Variants in CACHD1 observed in about 807,000 individuals in gnomAD.
CACHD1 encodes the protein VWFA and cache domain-containing protein 1.
CACHD1 carries 71 observed loss-of-function variants against 138.7 expected under a neutral mutation model. The ratio of observed to expected loss-of-function variants is 0.51; its 90% CI spans 0.42 to 0.62. CACHD1 has a LOEUF of 0.62. Ranked by LOEUF, CACHD1 falls within the 20% of genes least tolerant of loss-of-function variation. The probability of loss-of-function intolerance (pLI) is 0.00; values close to 1 mark genes in which losing one functional copy is unlikely to be tolerated. For synonymous variants in CACHD1, 578 were observed against 591.5 expected (o/e 0.98, Z 0.33); for missense variants, 1,389 against 1,625.3 (o/e 0.85, Z 2.50).
intron 2 of CACHD1, among the ~76,000 whole-genome samples, chr1:64,580,700 T>A (rs1647005013): frequency 6.6e-6 from 1 of 152,202 alleles, no homozygotes; most frequent in Non-Finnish European, 1.5e-5. Flanking sequence ...TAGTGGCATT[T>A]GAACCAGATA....
chr1:64,584,806 G>T (rs761186117), intron 3 of CACHD1, among the ~76,000 whole-genome samples: 1 of 152,138 alleles, frequency 6.6e-6, no homozygotes, highest in Non-Finnish European at 1.5e-5. Context: ...GAGTAAGAAG[G>T]TGTCTACTCT....
intron 1 of CACHD1, among the ~76,000 whole-genome samples, chr1:64,512,625 C>A (rs1415616412): frequency 6.6e-6 from 1 of 152,118 alleles, no homozygotes; most frequent in Non-Finnish European, 1.5e-5. Context: ...AACATTTCCA[C>A]TCTTCAAGTT....
intron 4 of CACHD1, among the ~76,000 whole-genome samples, chr1:64,607,026 G>A (rs1430620332): frequency 6.6e-6 from 1 of 152,168 alleles, no homozygotes; most frequent in Non-Finnish European, 1.5e-5. Context: ...ATAAGCAGTT[G>A]GATATACAAG....
At chr1:64,477,624 ATT>A (rs869174240) in intron 1 of CACHD1, among the ~76,000 whole-genome samples, 5,000 of 103,924 alleles carry the variant, frequency 0.048, 113 homozygotes, top group African/African-American at 0.11. Context: ...TATTATTATT[ATT>A]TTATTTTATT....
At chr1:64,659,176 T>G (rs1236723183) in intron 13 of CACHD1, among the ~76,000 whole-genome samples, 1 of 152,182 alleles carries the variant, frequency 6.6e-6, no homozygotes, top group Non-Finnish European at 1.5e-5. Flanking sequence ...AGTGAAGTTT[T>G]AAGTTCAGCC....
intron 1 of CACHD1, among the ~76,000 whole-genome samples, chr1:64,509,051 T>C (rs1307920885): frequency 6.6e-6 from 1 of 152,176 alleles, no homozygotes; most frequent in Non-Finnish European, 1.5e-5. Context: ...TTGCTAATTA[T>C]AAGAGAAAAA....
At chr1:64,535,170 A>T (rs919316258) in intron 1 of CACHD1, among the ~76,000 whole-genome samples, 8 of 152,256 alleles carry the variant, frequency 5.3e-5, no homozygotes, top group Admixed American at 2.6e-4. Context: ...ATATCTAAAG[A>T]TTGGGAATAT....
intron 3 of CACHD1, among the ~76,000 whole-genome samples, chr1:64,601,181 A>G (rs1206975644): frequency 1.3e-5 from 2 of 152,204 alleles, no homozygotes; most frequent in Non-Finnish European, 2.9e-5. Context: ...TCACACTACA[A>G]TGGCAGAGCA....
intron 3 of CACHD1, among the ~76,000 whole-genome samples, chr1:64,594,587 A>T (rs1294339272): frequency 6.6e-6 from 1 of 152,204 alleles, no homozygotes; most frequent in African/African-American, 2.4e-5. Flanking sequence ...AAGCGCCTGC[A>T]TTTGGATCTG....
Position 64,569,702 on chromosome 1 carries a change from T to C in CACHD1, c.262-12454T>C, listed in dbSNP as rs368719256. 1.2e-4 allele frequency among the ~76,000 whole-genome samples: 19 copies of C among 152,226 alleles called. 1 individual carries two copies. The highest frequency in any genetic ancestry group is 4.6e-4 in the African/African-American group (19 of 41,542). On this transcript the variant is annotated intron_variant, in intron 2 of 26. Transcript: ENST00000651257. ...GTTTAGTTTTATAAAAGTCAGCTTTTCACATAGCTCTGCGATCTATGTATG... is the reference window on the plus strand; with the variant it reads ...GTTTAGTTTTATAAAAGTCAGCTTTCCACATAGCTCTGCGATCTATGTATG...
intron 7 of CACHD1, among the ~76,000 whole-genome samples, chr1:64,635,313 C>T (rs767590424): frequency 6.6e-6 from 1 of 151,888 alleles, no homozygotes; most frequent in African/African-American, 2.4e-5. Flanking sequence ...CTTGATCCTT[C>T]CTTCTTCTAA....
chr1:64,556,955 T>C (rs917090679), intron 2 of CACHD1, among the ~76,000 whole-genome samples: 1 of 152,030 alleles, frequency 6.6e-6, no homozygotes, highest in African/African-American at 2.4e-5. Context: ...CCGTCTCTAC[T>C]AAAAATACAA....
intron 3 of CACHD1, among the ~76,000 whole-genome samples, chr1:64,598,494 C>T (rs1409977832): frequency 6.6e-6 from 1 of 152,186 alleles, no homozygotes; most frequent in Non-Finnish European, 1.5e-5. Context: ...GTTACTCAGT[C>T]AACCAGTAAG....
intron 1 of CACHD1, among the ~76,000 whole-genome samples, chr1:64,508,713 A>G (rs1406599654): frequency 6.6e-6 from 1 of 152,190 alleles, no homozygotes; most frequent in Admixed American, 6.5e-5. Context: ...AGGGCTAAGT[A>G]AGATAGAGAC....
At chr1:64,480,487 C>G (rs1646202119) in intron 1 of CACHD1, among the ~76,000 whole-genome samples, 1 of 151,972 alleles carries the variant, frequency 6.6e-6, no homozygotes, top group Non-Finnish European at 1.5e-5. Context: ...AAACTTAAAG[C>G]TGATGGTCTC....
At chr1:64,586,518 C>T (rs1000055937) in intron 3 of CACHD1, among the ~76,000 whole-genome samples, 1 of 151,838 alleles carries the variant, frequency 6.6e-6, no homozygotes, top group African/African-American at 2.4e-5. Context: ...TTTTTTAATA[C>T]TAGGGAGATT....
chr1:64,631,383 G>A (rs1296200097), intron 5 of CACHD1, among the ~76,000 whole-genome samples: 2 of 152,106 alleles, frequency 1.3e-5, no homozygotes, highest in Non-Finnish European at 2.9e-5. Context: ...CATTTCCCTA[G>A]TGGCTCAATG....
intron 1 of CACHD1, among the ~76,000 whole-genome samples, chr1:64,512,255 A>G (rs921149944): frequency 6.6e-6 from 1 of 152,074 alleles, no homozygotes; most frequent in Non-Finnish European, 1.5e-5. Flanking sequence ...TTAGCTGGTC[A>G]TGGTGGTGCA....
intron 8 of CACHD1, among the ~76,000 whole-genome samples, chr1:64,643,923 G>A (rs1244552238): frequency 6.6e-6 from 1 of 152,194 alleles, no homozygotes; most frequent in Non-Finnish European, 1.5e-5. Context: ...GTGGAGCTCT[G>A]CCATCCAGGG....
Sources: gnomAD v4.1 joint callset for allele counts (sites outside exome capture counted in the v4.1 genomes callset) on GRCh38, gnomAD v4.1.1 for gene constraint, MANE v1.5 for transcripts, NCBI Gene and HGNC (gene_info 2026-07-23, HGNC 2026-07-21) for gene names.